Variants in DOCK3 observed in about 807,000 individuals in gnomAD.
DOCK3 encodes the protein dedicator of cytokinesis 3.
Under a neutral mutation model 265.6 loss-of-function variants are expected in DOCK3, and 60 were observed. The observed-to-expected ratio is 0.23, with a 90% CI of 0.18 to 0.28. The LOEUF (loss-of-function observed/expected upper bound fraction) is 0.28, where lower values mean the gene tolerates loss of function less well. DOCK3 is among the 10% of genes least tolerant of loss of function. The probability of loss-of-function intolerance (pLI) is 1.00; values close to 1 mark genes in which losing one functional copy is unlikely to be tolerated. For synonymous variants in DOCK3, 881 were observed against 938.0 expected (o/e 0.94, Z 1.11); for missense variants, 1,981 against 2,594.3 (o/e 0.76, Z 5.14).
At position 51,361,904 on chromosome 3, in the gene DOCK3, C is replaced by T. The variant is rs752908267; in HGVS notation, c.5052C>T (p.Leu1684=). 6.2e-7 allele frequency: 1 copy of T among 1,613,418 alleles called. No homozygotes were observed. Among genetic ancestry groups the T allele is most frequent in the Non-Finnish European group, 8.5e-7 (1 of 1,179,690 alleles). Residue 1684 remains leucine (L), a synonymous_variant, in exon 48 of 53, where the codon CTC becomes CTT. Coordinates refer to ENST00000266037, the MANE Select transcript of DOCK3 (RefSeq NM_004947.5). The surrounding 1 kb of genome is among the most constrained non-coding windows in gnomAD (Gnocchi z 4.2). The part of the protein sequence containing the change: ...MGTGRHSSSS[L]SSHASSEAGN... The stretch of plus-strand genomic sequence containing the variant: ...CAGGCCGCCATTCATCATCCTCTCT[C>T]TCCTCACATGCGTCTAGTGAAGCAG...
At chr3:50,737,138 C>T (rs2038687790) in intron 1 of DOCK3, among the ~76,000 whole-genome samples, 1 of 151,898 alleles carries the variant, frequency 6.6e-6, no homozygotes, top group Non-Finnish European at 1.5e-5. Flanking sequence ...AAAATTTTTT[C>T]CCATTCTGTA....
At chr3:50,902,776 A>T (rs962715682) in intron 4 of DOCK3, among the ~76,000 whole-genome samples, 1 of 152,142 alleles carries the variant, frequency 6.6e-6, no homozygotes, top group Non-Finnish European at 1.5e-5. Flanking sequence ...CAGTATGGCC[A>T]TTTTCACAAT....
At chr3:51,303,239 T>G (rs1323755827) in intron 27 of DOCK3, among the ~76,000 whole-genome samples, 2 of 152,172 alleles carry the variant, frequency 1.3e-5, no homozygotes, top group Non-Finnish European at 2.9e-5. Flanking sequence ...GAAGTTCTCA[T>G]GTTGTATTTT....
intron 18 of DOCK3, 37 bp downstream of exon 18, chr3:51,228,869 C>T (rs1409908992): frequency 6.2e-7 from 1 of 1,604,636 alleles, no homozygotes; most frequent in Non-Finnish European, 8.5e-7. Flanking sequence ...GCCCTCCACC[C>T]TCCTCCATTG....
intron 3 of DOCK3, chr3:50,863,486 A>G (rs1302897606): frequency 3.9e-6 from 2 of 515,026 alleles, no homozygotes; most frequent in Non-Finnish European, 7.8e-6. Flanking sequence ...GCAGAGAAGT[A>G]CTCCCACCTA....
chr3:50,829,141 C>T (rs896543538), intron 2 of DOCK3, among the ~76,000 whole-genome samples: 6 of 152,110 alleles, frequency 3.9e-5, no homozygotes, highest in South Asian at 2.1e-4. Flanking sequence ...TGGTTTGCTG[C>T]GCATTGTTTC....
chr3:50,949,341 G>A (rs925840712), intron 5 of DOCK3, among the ~76,000 whole-genome samples: 3 of 151,980 alleles, frequency 2.0e-5, no homozygotes, highest in Non-Finnish European at 2.9e-5. Context: ...GAAGGACAAC[G>A]GATTTAAATA....
intron 1 of DOCK3, among the ~76,000 whole-genome samples, chr3:50,759,477 A>G (rs1407687915): frequency 6.6e-6 from 1 of 151,946 alleles, no homozygotes; most frequent in Non-Finnish European, 1.5e-5. Context: ...ACATCTTTTT[A>G]TGTGCCTGTT....
chr3:51,098,609 G>A (rs1292821747), intron 9 of DOCK3, among the ~76,000 whole-genome samples: 9 of 152,186 alleles, frequency 5.9e-5, no homozygotes, highest in African/African-American at 1.4e-4. Context: ...TGCAAAAGAG[G>A]TTATGTATGT....
At chr3:51,076,037 G>C (rs1025379757) in intron 7 of DOCK3, among the ~76,000 whole-genome samples, 5 of 152,168 alleles carry the variant, frequency 3.3e-5, no homozygotes, top group Non-Finnish European at 5.9e-5. Context: ...ATCTTGAAGA[G>C]TATGTATTTG....
intron 4 of DOCK3, among the ~76,000 whole-genome samples, chr3:50,901,216 G>A (rs1196670792): frequency 2.0e-5 from 3 of 152,174 alleles, no homozygotes; most frequent in Non-Finnish European, 4.4e-5. Context: ...CAGTGGCTTT[G>A]CTGAACTACA....
chr3:51,128,438 G>A (rs1307784212), intron 9 of DOCK3, among the ~76,000 whole-genome samples: 1 of 152,152 alleles, frequency 6.6e-6, no homozygotes, highest in East Asian at 1.9e-4. Context: ...TAGGATGATG[G>A]GGAACATGGT....
rs376124540 is a variant in DOCK3 at position 51,228,826 on chromosome 3, C to G, written c.1813C>G (p.Gln605Glu). 1.2e-6 allele frequency: 2 copies of G among 1,613,764 alleles called. No homozygotes were observed. Among genetic ancestry groups the G allele is most frequent in the Non-Finnish European group, 1.7e-6 (2 of 1,179,734 alleles). ...TCAGCTCTCCTCTACCAAACTCACC[C>G]AGAATGGTAGGTGATAATGCCTGCA... is the stretch of plus-strand genomic sequence containing the variant. Reference protein sequence around the residue: ...STQLSSTKLTQNVDLLALLKW... With the variant: ...STQLSSTKLTENVDLLALLKW... Residue 605 changes from glutamine to glutamate, a missense_variant, in exon 18 of 53, where the codon CAG (glutamine) becomes GAG (glutamate). Physicochemically the swap from Gln to Glu is conservative, Grantham distance 29 (BLOSUM62 2). Transcript: ENST00000266037.
intron 5 of DOCK3, among the ~76,000 whole-genome samples, chr3:51,048,841 C>G (rs530881476): frequency 6.7e-6 from 1 of 150,098 alleles, no homozygotes. Context: ...CCAGCCTGAG[C>G]GACAGAGCGA....
At chr3:51,073,049 TTTG>T (rs1187920147) in intron 6 of DOCK3, among the ~76,000 whole-genome samples, 3 of 152,086 alleles carry the variant, frequency 2.0e-5, no homozygotes, top group Non-Finnish European at 4.4e-5. Flanking sequence ...CTCATTCTTT[TTTG>T]TTGTTGTTGT....
intron 10 of DOCK3, among the ~76,000 whole-genome samples, chr3:51,152,070 G>T (rs1375274802): frequency 6.6e-6 from 1 of 152,094 alleles, no homozygotes; most frequent in Non-Finnish European, 1.5e-5. Context: ...AGTTCTCCTG[G>T]ATAATATCCT....
At chr3:51,203,251 T>A in intron 12 of DOCK3, among the ~76,000 whole-genome samples, 1 of 152,148 alleles carries the variant, frequency 6.6e-6, no homozygotes, top group East Asian at 1.9e-4. Flanking sequence ...GATGACATGA[T>A]TGTATATCTA....
At chr3:51,194,027 A>T (rs572702671) in intron 12 of DOCK3, among the ~76,000 whole-genome samples, 1 of 151,818 alleles carries the variant, frequency 6.6e-6, no homozygotes, top group African/African-American at 2.4e-5. Context: ...CAACTATTTT[A>T]TGTAGGCATT....
intron 27 of DOCK3, among the ~76,000 whole-genome samples, chr3:51,309,307 T>G (rs1355082614): frequency 6.6e-6 from 1 of 152,126 alleles, no homozygotes; most frequent in Non-Finnish European, 1.5e-5. Context: ...GAGCACTGAG[T>G]GAACGAGACT....
Sources: gnomAD v4.1 joint callset for allele counts (sites outside exome capture counted in the v4.1 genomes callset) on GRCh38, gnomAD v4.1.1 for gene constraint, Gnocchi (gnomAD v3.1) non-coding constraint, MANE v1.5 for transcripts, NCBI Gene and HGNC (gene_info 2026-07-23, HGNC 2026-07-21) for gene names.